The following EPPK1 variants were observed in gnomAD, a reference collection of about 807,000 sequenced individuals.
EPPK1 encodes the protein epiplakin.
For missense variants in EPPK1, 3,823 were observed against 3,673.3 expected (o/e 1.04, Z -1.05); for synonymous variants, 1,862 against 1,721.2 (o/e 1.08, Z -2.03).
In EPPK1 at chr8:143,868,066, CGAA is replaced by C. The variant is rs782287895; in HGVS notation, c.5185_5187del (p.Phe1729del). The C allele has an allele frequency of 6.2e-7, 1 of 1,613,570 alleles. No individual in the cohort carries two copies. Among genetic ancestry groups the C allele is most frequent in the East Asian group, 2.2e-5 (1 of 44,880 alleles). On this transcript the variant is annotated inframe_deletion, in exon 2 of 2. Transcript: ENST00000615648. ...GTGAGGTTCTCGTGCGTGTTGGGGTCGAAGAAGCCCTTGGTGTCGTCGCTGGGG... is the reference window on the plus strand; with the variant it reads ...GTGAGGTTCTCGTGCGTGTTGGGGTCGAAGCCCTTGGTGTCGTCGCTGGGG...
In EPPK1 at chr8:143,866,977, C is replaced by A; in HGVS notation, c.6277G>T (p.Glu2093Ter). Reference protein sequence around the residue: ...FPVNKAARDSEHIDDETRRAL... With the variant: ...FPVNKAARDS Reference sequence around the variant, plus strand: ...CTTCTCGTCTCGTCATCGATGTGCTCGGAGTCCCGTGCAGCCTTGTTCACT... The same window carrying A: ...CTTCTCGTCTCGTCATCGATGTGCTAGGAGTCCCGTGCAGCCTTGTTCACT... The change falls in exon 2 of 2, where the codon GAG becomes TAG. Residue 2093 changes from glutamate (E) to a stop codon, truncating the protein, a stop_gained. Coordinates refer to ENST00000615648, the MANE Select transcript of EPPK1 (RefSeq NM_031308.4). LOFTEE classifies it low-confidence loss of function (END_TRUNC). 1 of 1,612,840 alleles carries A rather than the reference C, an allele frequency of 6.2e-7. No individual in the cohort carries two copies. Among genetic ancestry groups the A allele is most frequent in the Non-Finnish European group, 8.5e-7 (1 of 1,179,876 alleles).
At position 143,858,053 on chromosome 8, in the gene EPPK1, C is replaced by G; in HGVS notation, c.15201G>C (p.Gln5067His). The G allele has an allele frequency of 6.2e-7, 1 of 1,613,362 alleles. No homozygotes were observed. Reference protein sequence around the residue: ...PNTHENLTYLQLLQRATLDPE... With the variant: ...PNTHENLTYLHLLQRATLDPE... ...GGTCCAGGGTGGCCCTCTGCAGAAG[C>G]TGCAGGTACGTGAGGTTCTCGTGCG... is the stretch of plus-strand genomic sequence containing the variant. The change falls in exon 2 of 2, where the codon CAG becomes CAC. Residue 5067 changes from glutamine to histidine, a missense_variant. Physicochemically the swap from Gln to His is conservative, Grantham distance 24. Coordinates refer to ENST00000615648, the MANE Select transcript of EPPK1 (RefSeq NM_031308.4).
chr8:143,874,480 C>G (rs1554662099), intron 1 of EPPK1, among the ~76,000 whole-genome samples: 1 of 152,168 alleles, frequency 6.6e-6, no homozygotes, highest in Non-Finnish European at 1.5e-5. Context: ...AGAGGGCGGC[C>G]GTGTGACGAC....
At position 143,866,688 on chromosome 8, in the gene EPPK1, G is replaced by A. The variant is rs782797725; in HGVS notation, c.6566C>T (p.Ser2189Leu). Reference protein sequence around the residue: ...RQITASELLSSAIITEEMLQD... With the variant: ...RQITASELLSLAIITEEMLQD... Reference sequence around the variant, plus strand: ...GAGCATTTCCTCCGTGATTATGGCTGAGCTGAGGAGTTCAGAAGCTGTGAT... The same window carrying A: ...GAGCATTTCCTCCGTGATTATGGCTAAGCTGAGGAGTTCAGAAGCTGTGAT... The change falls in exon 2 of 2, where the codon TCA becomes TTA. Residue 2189 changes from serine (S) to leucine (L), a missense_variant. Ser to Leu is a moderately radical substitution (Grantham distance 145). Transcript: ENST00000615648. The A allele has an allele frequency of 1.2e-6, 2 of 1,613,340 alleles. No homozygotes were observed. Among genetic ancestry groups the A allele is most frequent in the South Asian group, 1.1e-5 (1 of 91,090 alleles).
chr8:143,869,365 T>A lies in EPPK1; in HGVS notation c.3889A>T (p.Arg1297Ter). 6.2e-7 allele frequency: 1 copy of A among 1,610,882 alleles called. No homozygotes were observed. The highest frequency in any genetic ancestry group is 2.2e-5 in the East Asian group (1 of 44,858). The change falls in exon 2 of 2, where the codon AGA (arginine) becomes TGA (stop). Residue 1297 changes from arginine to a stop codon, truncating the protein, a stop_gained. Coordinates refer to ENST00000615648, the MANE Select transcript of EPPK1 (RefSeq NM_031308.4). LOFTEE classifies it low-confidence loss of function (END_TRUNC). ...GFLVDPLNNQ[R>*]LSVEDAVKVG... ...TTAACCGCGTCCTCCACTGACAGTCTCTGGTTGTTCAGGGGGTCAACAAGG... is the reference window on the plus strand; with the variant it reads ...TTAACCGCGTCCTCCACTGACAGTCACTGGTTGTTCAGGGGGTCAACAAGG...
rs782735649 is a variant in EPPK1 at position 143,867,719 on chromosome 8, G to C, written c.5535C>G (p.Ile1845Met). Residue 1845 changes from isoleucine (I) to methionine (M), a missense_variant, in exon 2 of 2, where the codon ATC becomes ATG. Ile to Met is a conservative substitution (Grantham distance 10). Coordinates refer to ENST00000615648, the MANE Select transcript of EPPK1 (RefSeq NM_031308.4). Reference sequence around the variant, plus strand: ...CCTCCCCTCTGATGGCCGCCACTTTGATGCCTTGGTTTTGCGTCTCTGTTT... The same window carrying C: ...CCTCCCCTCTGATGGCCGCCACTTTCATGCCTTGGTTTTGCGTCTCTGTTT... Reference protein sequence around the residue: ...IEETETQNQGIKVAAIRGEVT... With the variant: ...IEETETQNQGMKVAAIRGEVT... 2.1e-5 allele frequency: 34 copies of C among 1,613,614 alleles called. No homozygotes were observed. Among genetic ancestry groups the C allele is most frequent in the Admixed American group, 3.3e-5 (2 of 60,010 alleles).
Position 143,869,706 on chromosome 8 carries a change from A to G in EPPK1, c.3548T>C (p.Val1183Ala), listed in dbSNP as rs782657605. The change falls in exon 2 of 2, where the codon GTA (valine) becomes GCA (alanine). Residue 1183 changes from valine to alanine, a missense_variant. Transcript: ENST00000615648. ...PQLLASVQRW[V>A]QETKLLAQAR... ...CTGGGCCAGGAGCTTGGTCTCCTGTACCCACCTCTGCACAGAGGCTAGCAG... is the reference window on the plus strand; with the variant it reads ...CTGGGCCAGGAGCTTGGTCTCCTGTGCCCACCTCTGCACAGAGGCTAGCAG... 1.9e-6 allele frequency: 3 copies of G among 1,596,328 alleles called. No homozygotes were observed. The highest frequency in any genetic ancestry group is 2.6e-6 in the Non-Finnish European group (3 of 1,172,578).
intron 1 of EPPK1, among the ~76,000 whole-genome samples, chr8:143,874,484 T>G (rs1416818337): frequency 6.6e-6 from 1 of 152,186 alleles, no homozygotes; most frequent in Non-Finnish European, 1.5e-5. Context: ...GGCGGCCGTG[T>G]GACGACAGAG....
Position 143,865,992 on chromosome 8 carries a change from C to T in EPPK1, c.7262G>A (p.Gly2421Asp). Residue 2421 changes from glycine (G) to aspartate (D), a missense_variant, in exon 2 of 2, where the codon GGC (glycine) becomes GAC (aspartate). Coordinates refer to ENST00000615648, the MANE Select transcript of EPPK1 (RefSeq NM_031308.4). ...CTCGCTCAGCTGGTGCACGGCGGAG[C>T]CCCGGCCTGCCAGCTGCAGCATGTA... ...GLYMLQLAGR[G>D]SAVHQLSEEL... is the part of the protein sequence containing the mutation. 1 of 144,882 alleles carries T rather than the reference C, an allele frequency of 6.9e-6. No individual in the cohort carries two copies. Among genetic ancestry groups the T allele is most frequent in the Non-Finnish European group, 1.1e-5 (1 of 88,444 alleles). The allele number at this position is 144,882 out of a possible 1,614,324, so 9.0% of individuals were successfully genotyped here. A position where few individuals can be genotyped will look rare whatever the true frequency, so the allele number is the denominator to read the frequency against.
Position 143,868,186 on chromosome 8 carries a change from T to G in EPPK1, c.5068A>C (p.Ile1690Leu). The G allele has an allele frequency of 1.2e-6, 2 of 1,612,966 alleles. No homozygotes were observed. Among genetic ancestry groups the G allele is most frequent in the South Asian group, 2.2e-5 (2 of 91,040 alleles). Residue 1690 changes from isoleucine to leucine, a missense_variant, in exon 2 of 2, where the codon ATC (isoleucine) becomes CTC (leucine). Coordinates refer to ENST00000615648, the MANE Select transcript of EPPK1 (RefSeq NM_031308.4). The part of the protein sequence containing the change: ...LLEAQIATGG[I>L]IDPVHSHRVP... ...CGGTGGCTGTGCACGGGGTCGATGA[T>G]GCCGCCCGTGGCGATCTGGGCCTCC...
Position 143,867,133 on chromosome 8 carries a change from A to C in EPPK1, c.6121T>G (p.Tyr2041Asp), listed in dbSNP as rs781847135. 1 of 1,612,918 alleles carries C rather than the reference A, an allele frequency of 6.2e-7. No individual in the cohort carries two copies. ...TGCTTCTGGTCGGAAATGAGCGCATAGATGTCCTTGTGCAGACAGCCCCGT... is the reference window on the plus strand; with the variant it reads ...TGCTTCTGGTCGGAAATGAGCGCATCGATGTCCTTGTGCAGACAGCCCCGT... The part of the protein sequence containing the change: ...YRRGCLHKDI[Y>D]ALISDQKHMR... Residue 2041 changes from tyrosine (Y) to aspartate (D), a missense_variant, in exon 2 of 2, where the codon TAT becomes GAT. Transcript: ENST00000615648.
At chr8:143,876,730 A>G (rs1819486042) in intron 1 of EPPK1, among the ~76,000 whole-genome samples, 1 of 152,142 alleles carries the variant, frequency 6.6e-6, no homozygotes, top group African/African-American at 2.4e-5. Flanking sequence ...GCCACTCACT[A>G]TGGCATCCAG....
Position 143,867,721 on chromosome 8 carries a change from T to C in EPPK1, c.5533A>G (p.Ile1845Val), listed in dbSNP as rs1554659585. 3 of 1,613,784 alleles carry C rather than the reference T, an allele frequency of 1.9e-6. No homozygotes were observed. The highest frequency in any genetic ancestry group is 2.5e-6 in the Non-Finnish European group (3 of 1,179,872). ...IEETETQNQG[I>V]KVAAIRGEVT... is the part of the protein sequence containing the mutation. ...TCCCCTCTGATGGCCGCCACTTTGA[T>C]GCCTTGGTTTTGCGTCTCTGTTTCT... The change falls in exon 2 of 2, where the codon ATC becomes GTC. Residue 1845 changes from isoleucine to valine, a missense_variant. Transcript: ENST00000615648.
intron 1 of EPPK1, among the ~76,000 whole-genome samples, chr8:143,876,969 G>A (rs944937215): frequency 6.6e-6 from 1 of 152,240 alleles, no homozygotes; most frequent in African/African-American, 2.4e-5. Flanking sequence ...CAGACAGGCC[G>A]CGTGCTAAGC....
Position 143,869,397 on chromosome 8 carries a change from G to C in EPPK1, c.3857C>G (p.Ser1286Cys). ...GQRLLEAQVASGFLVDPLNNQ... is the reference protein window; with the variant it reads ...GQRLLEAQVACGFLVDPLNNQ... ...GTTCAGGGGGTCAACAAGGAAGCCA[G>C]ATGCCACCTGGGCTTCCAGCAGCCT... The change falls in exon 2 of 2, where the codon TCT becomes TGT. Residue 1286 changes from serine to cysteine, a missense_variant. Physicochemically the swap from Ser to Cys is moderately radical, Grantham distance 112 (BLOSUM62 -1). Transcript: ENST00000615648. 6.2e-7 allele frequency: 1 copy of C among 1,609,106 alleles called. No homozygotes were observed. Among genetic ancestry groups the C allele is most frequent in the Non-Finnish European group, 8.5e-7 (1 of 1,178,776 alleles).
chr8:143,873,645 C>T (rs1236615960), intron 1 of EPPK1, among the ~76,000 whole-genome samples: 1 of 152,042 alleles, frequency 6.6e-6, no homozygotes, highest in African/African-American at 2.4e-5. Context: ...TTCCTGGGCA[C>T]CCTGGTCCCA....
At chr8:143,878,395 C>CCCGCACCCGCCCGCACCCG (rs1819526766) in intron 1 of EPPK1, 43 bp downstream of exon 1, 1 of 82,876 alleles carries the variant, frequency 1.2e-5, no homozygotes, top group African/African-American at 6.7e-5. Flanking sequence ...GCCGCACCTG[C>CCCGCACCCGCCCGCACCCG]CCGCACCCGC....
In EPPK1 at chr8:143,868,821, A is replaced by G. The variant is rs1554660105; in HGVS notation, c.4433T>C (p.Val1478Ala). The change falls in exon 2 of 2, where the codon GTT becomes GCT. Residue 1478 changes from valine (V) to alanine (A), a missense_variant. Coordinates refer to ENST00000615648, the MANE Select transcript of EPPK1 (RefSeq NM_031308.4). ...CAGCTCCCGCCGCTTGTCAGCGCCA[A>G]CGTATTCGGAGAGCAGCAGGTCCCA... ...SLWDLLLSEY[V>A]GADKRRELVA... 2 of 1,605,758 alleles carry G rather than the reference A, an allele frequency of 1.2e-6. No homozygotes were observed. Among genetic ancestry groups the G allele is most frequent in the Non-Finnish European group, 1.7e-6 (2 of 1,179,508 alleles).
intron 1 of EPPK1, among the ~76,000 whole-genome samples, chr8:143,877,470 C>T (rs782767158): frequency 6.6e-6 from 1 of 152,148 alleles, no homozygotes; most frequent in Non-Finnish European, 1.5e-5. Context: ...CACAAAGGGC[C>T]CCTCCTGTGG....
Sources: allele counts gnomAD v4.1 joint callset (sites outside exome capture counted in the v4.1 genomes callset), GRCh38; gene constraint gnomAD v4.1.1; transcripts MANE v1.5; gene names NCBI Gene and HGNC (gene_info 2026-07-23, HGNC 2026-07-21).